The following PKNOX2 variants were observed in gnomAD, a reference collection of about 807,000 sequenced individuals.
PKNOX2 encodes homeobox protein PKNOX2.
A neutral mutation model predicts 53.1 loss-of-function variants in PKNOX2; 14 were observed. The observed-to-expected ratio is 0.26, with a 90% CI of 0.17 to 0.41. The LOEUF is 0.41. PKNOX2 is among the 10% of genes least tolerant of loss of function. The pLI is 1.00. For synonymous variants in PKNOX2, 257 were observed against 242.8 expected (o/e 1.06, Z -0.54); for missense variants, 496 against 602.8 (o/e 0.82, Z 1.85).
intron 2 of PKNOX2, among the ~76,000 whole-genome samples, chr11:125,271,411 C>A (rs549884642): frequency 6.6e-6 from 1 of 152,348 alleles, no homozygotes; most frequent in East Asian, 1.9e-4. Context: ...ATACAGTGTT[C>A]CATGCTCTCC....
At chr11:125,292,197 G>A (rs563160285) in intron 2 of PKNOX2, among the ~76,000 whole-genome samples, 8 of 152,272 alleles carry the variant, frequency 5.3e-5, no homozygotes, top group Admixed American at 3.9e-4. Context: ...GGCTTAGGTC[G>A]TCTCTCAGCA....
chr11:125,357,884 T>C (rs1233857141), intron 4 of PKNOX2, among the ~76,000 whole-genome samples: 1 of 152,238 alleles, frequency 6.6e-6, no homozygotes, highest in Non-Finnish European at 1.5e-5. Context: ...ATTTCTTTCA[T>C]CCACTTATCC....
At chr11:125,213,980 C>T (rs769465446) in intron 1 of PKNOX2, among the ~76,000 whole-genome samples, 3 of 152,030 alleles carry the variant, frequency 2.0e-5, no homozygotes, top group Non-Finnish European at 2.9e-5. Context: ...GCCAGCTGCC[C>T]GGCTTGGCCT....
At chr11:125,410,034 T>C in intron 7 of PKNOX2, 162 bp from the exon 8 acceptor site, 1 of 942,098 alleles carries the variant, frequency 1.1e-6, no homozygotes, top group East Asian at 2.6e-5. Context: ...ATTCACCCTT[T>C]CTAGGAAACC....
chr11:125,236,785 G>A (rs529019223), intron 2 of PKNOX2, among the ~76,000 whole-genome samples: 1 of 152,310 alleles, frequency 6.6e-6, no homozygotes, highest in African/African-American at 2.4e-5. Flanking sequence ...GAGGAGACGG[G>A]GAGGCAGGCT....
intron 10 of PKNOX2, among the ~76,000 whole-genome samples, chr11:125,415,039 T>A (rs1955796485): frequency 6.6e-6 from 1 of 152,164 alleles, no homozygotes; most frequent in East Asian, 1.9e-4. Flanking sequence ...TTTGGGTAGA[T>A]GTGTGTGCCT....
At position 125,429,100 on chromosome 11, in the gene PKNOX2, T is replaced by C; in HGVS notation, c.1013+12T>C. On this transcript the variant is annotated intron_variant, in intron 11 of 12. Transcript: ENST00000298282. ...CAAGTAAACAACTGGTGAGTTTGCA[T>C]CACCTGCATGCAGGCTCCCAGATCC... 1 of 1,602,914 alleles carries C rather than the reference T, an allele frequency of 6.2e-7. No individual in the cohort carries two copies. Among genetic ancestry groups the C allele is most frequent in the Non-Finnish European group, 8.5e-7 (1 of 1,169,782 alleles).
At chr11:125,214,258 GC>G (rs1218624836) in intron 1 of PKNOX2, among the ~76,000 whole-genome samples, 1 of 151,928 alleles carries the variant, frequency 6.6e-6, no homozygotes, top group African/African-American at 2.4e-5. Flanking sequence ...CCACCTCCCA[GC>G]CCCACCTACC....
At chr11:125,173,760 G>A (rs1388031262) in intron 1 of PKNOX2, among the ~76,000 whole-genome samples, 4 of 152,210 alleles carry the variant, frequency 2.6e-5, no homozygotes, top group African/African-American at 9.6e-5. Flanking sequence ...GCCAGCCCAG[G>A]TGTAAGCTGG....
intron 2 of PKNOX2, among the ~76,000 whole-genome samples, chr11:125,280,233 C>T (rs897171622): frequency 6.6e-6 from 1 of 151,934 alleles, no homozygotes; most frequent in African/African-American, 2.4e-5. Flanking sequence ...GCACTATTCC[C>T]AGTACAGTTT....
At chr11:125,292,367 T>C (rs902977669) in intron 2 of PKNOX2, among the ~76,000 whole-genome samples, 2 of 152,204 alleles carry the variant, frequency 1.3e-5, no homozygotes, top group African/African-American at 4.8e-5. Flanking sequence ...TTAATGACAG[T>C]CTTTCTGGAG....
At chr11:125,397,121 A>G (rs1418125204) in intron 6 of PKNOX2, among the ~76,000 whole-genome samples, 1 of 152,198 alleles carries the variant, frequency 6.6e-6, no homozygotes, top group Admixed American at 6.5e-5. Flanking sequence ...TCTTGCCACG[A>G]AAAGGTTAGG....
At chr11:125,336,617 C>T (rs1196091275) in intron 3 of PKNOX2, among the ~76,000 whole-genome samples, 1 of 147,308 alleles carries the variant, frequency 6.8e-6, no homozygotes, top group African/African-American at 2.5e-5. Flanking sequence ...ATTATAGATA[C>T]TATAAAGATT....
At chr11:125,382,677 T>C (rs1195982933) in intron 5 of PKNOX2, among the ~76,000 whole-genome samples, 1 of 152,222 alleles carries the variant, frequency 6.6e-6, no homozygotes, top group Non-Finnish European at 1.5e-5. Context: ...TGAGGCTTTC[T>C]TTGGTATTCC....
intron 5 of PKNOX2, among the ~76,000 whole-genome samples, chr11:125,378,261 C>T (rs577877812): frequency 2.6e-5 from 4 of 152,334 alleles, no homozygotes; most frequent in Admixed American, 6.5e-5. Flanking sequence ...GTAGCCAGAG[C>T]GCCACCGATC....
At chr11:125,384,772 C>A (rs1198154540) in intron 5 of PKNOX2, among the ~76,000 whole-genome samples, 1 of 152,104 alleles carries the variant, frequency 6.6e-6, no homozygotes, top group Non-Finnish European at 1.5e-5. Context: ...CCGACCACCA[C>A]ACATACCCTC....
rs1941926183 is a variant in PKNOX2, at chr11:125,228,570, A to G, written c.-200-6475A>G. 2.0e-5 allele frequency among the ~76,000 whole-genome samples: 3 copies of G among 152,186 alleles called. No individual in the cohort carries two copies. The South Asian group carries it at 6.2e-4, about 32-fold the overall frequency. ...GAGGGAAGGTGTTGCTGTATGGTCC[A>G]TGTCAGTAATGAGCCTTGCACTGAA... On this transcript the variant is annotated intron_variant, in intron 1 of 12. Transcript: ENST00000298282.
intron 1 of PKNOX2, among the ~76,000 whole-genome samples, chr11:125,216,261 C>T (rs546544540): frequency 6.6e-6 from 1 of 152,168 alleles, no homozygotes; most frequent in Non-Finnish European, 1.5e-5. Flanking sequence ...AGGACTAAGG[C>T]AGGGAGGGGT....
In PKNOX2 at chr11:125,309,199, T is replaced by TTC. The variant is rs1482801796; in HGVS notation, c.-129-22620_-129-22619insTC. ...CTCTCTCTTTCTTCCTTCCTTCCTC[T>TTC]CTCTTCCTTCCTTTCTCTCTCTCTT... On this transcript the variant is annotated intron_variant, in intron 2 of 12. Coordinates refer to ENST00000298282, the MANE Select transcript of PKNOX2 (RefSeq NM_001382323.2). Among the ~76,000 whole-genome samples the TTC allele has an allele frequency of 8.2e-4, 121 of 147,538 alleles. 1 individual carries two copies. The highest frequency in any genetic ancestry group is 3.1e-3 in the African/African-American group (117 of 37,924).
Sources: gnomAD v4.1 joint callset for allele counts (sites outside exome capture counted in the v4.1 genomes callset) on GRCh38, gnomAD v4.1.1 for gene constraint, MANE v1.5 for transcripts, NCBI Gene and HGNC (gene_info 2026-07-23, HGNC 2026-07-21) for gene names.